Variants in IL13RA1 observed in about 807,000 individuals in gnomAD.
The protein encoded by IL13RA1 is interleukin-13 receptor subunit alpha-1.
Under a neutral mutation model 33.8 loss-of-function variants are expected in IL13RA1, and 14 were observed. The ratio of observed to expected loss-of-function variants is 0.41; its 90% CI spans 0.27 to 0.65. IL13RA1 has a LOEUF of 0.65. Ranked by LOEUF, IL13RA1 falls within the 30% of genes least tolerant of loss-of-function variation. The probability of loss-of-function intolerance (pLI) is 0.28; values close to 1 mark genes in which losing one functional copy is unlikely to be tolerated. For synonymous variants in IL13RA1, 116 were observed against 115.7 expected (o/e 1.00, Z -0.02); for missense variants, 313 against 327.0 (o/e 0.96, Z 0.33).
At chrX:118,780,866 A>G (rs2017835970) in intron 10 of IL13RA1, among the ~76,000 whole-genome samples, 1 of 112,125 alleles carries the variant, frequency 8.9e-6, no homozygotes, top group African/African-American at 3.2e-5. Flanking sequence ...ATATAGCCCA[A>G]AGTTACCAAC....
At chrX:118,729,914 A>G (rs1386393042) in intron 1 of IL13RA1, among the ~76,000 whole-genome samples, 3 of 112,222 alleles carry the variant, frequency 2.7e-5, no homozygotes, top group African/African-American at 9.7e-5. Flanking sequence ...CCCAGCAGAA[A>G]AGACGAGAGT....
intron 8 of IL13RA1, among the ~76,000 whole-genome samples, chrX:118,769,116 T>G (rs899651882): frequency 1.2e-4 from 14 of 112,121 alleles, no homozygotes; most frequent in Non-Finnish European, 2.6e-4. Flanking sequence ...GCTGTTCTGT[T>G]TTTTAGAAGT....
intron 1 of IL13RA1, among the ~76,000 whole-genome samples, chrX:118,739,182 C>T (rs1465946272): frequency 8.9e-6 from 1 of 112,088 alleles, no homozygotes; most frequent in Non-Finnish European, 1.9e-5. Context: ...TCCCTATTTT[C>T]CACAGCCTCA....
At chrX:118,755,483 G>T (rs1001284058) in intron 4 of IL13RA1, among the ~76,000 whole-genome samples, 1 of 110,803 alleles carries the variant, frequency 9.0e-6, no homozygotes, top group African/African-American at 3.3e-5. Flanking sequence ...CTCTGCAGAT[G>T]AATTCAGTAT....
intron 1 of IL13RA1, among the ~76,000 whole-genome samples, chrX:118,729,025 C>T (rs1922975928): frequency 9.0e-6 from 1 of 111,522 alleles, no homozygotes. Flanking sequence ...TGAGTCAGGC[C>T]CTCTAGGTTG....
At chrX:118,780,344 A>G in intron 10 of IL13RA1, among the ~76,000 whole-genome samples, 1 of 112,845 alleles carries the variant, frequency 8.9e-6, no homozygotes, top group Non-Finnish European at 1.9e-5. Flanking sequence ...TAAATGTTCA[A>G]AACTCGAGAT....
intron 2 of IL13RA1, among the ~76,000 whole-genome samples, chrX:118,742,163 A>T (rs1312461863): frequency 8.9e-6 from 1 of 112,111 alleles, no homozygotes; most frequent in Non-Finnish European, 1.9e-5. Flanking sequence ...GAAATTTGCT[A>T]ATCTGCCTTC....
chrX:118,765,310 T>G (rs528911755), intron 6 of IL13RA1, among the ~76,000 whole-genome samples: 2 of 108,879 alleles, frequency 1.8e-5, no homozygotes, highest in South Asian at 8.0e-4. Flanking sequence ...TTCGCCATGT[T>G]AGGCAGGCTC....
intron 5 of IL13RA1, among the ~76,000 whole-genome samples, chrX:118,759,120 T>C (rs920955777): frequency 8.9e-6 from 1 of 112,038 alleles, no homozygotes; most frequent in African/African-American, 3.2e-5. Flanking sequence ...TGGGCACTGA[T>C]CAGTTAGAAA....
At chrX:118,734,506 T>G (rs145113770) in intron 1 of IL13RA1, among the ~76,000 whole-genome samples, 2 of 112,291 alleles carry the variant, frequency 1.8e-5, no homozygotes, top group East Asian at 5.6e-4. Context: ...CACTCCTAGT[T>G]TGTTGAGTGT....
chrX:118,769,386 T>G (rs2017685553), intron 8 of IL13RA1, among the ~76,000 whole-genome samples: 1 of 112,698 alleles, frequency 8.9e-6, no homozygotes, highest in African/African-American at 3.2e-5. Context: ...ATGCCATTAT[T>G]TACTAAATCC....
chrX:118,801,815 T>A, the IL13RA1 span, among the ~76,000 whole-genome samples: 4 of 112,727 alleles, frequency 3.5e-5, no homozygotes, highest in Non-Finnish European at 7.5e-5. Flanking sequence ...TACTATAATA[T>A]TTGCCTTCAT....
At chrX:118,750,778 G>T (rs1199259126) in intron 4 of IL13RA1, among the ~76,000 whole-genome samples, 1 of 110,567 alleles carries the variant, frequency 9.0e-6, no homozygotes. Flanking sequence ...AAAGGAAAAT[G>T]ATATGTCCGG....
chrX:118,750,415 C>T (rs757768172), intron 4 of IL13RA1, among the ~76,000 whole-genome samples: 1 of 110,527 alleles, frequency 9.0e-6, no homozygotes, highest in East Asian at 2.8e-4. Context: ...AGCGTAATAC[C>T]CTGGAGATCT....
At chrX:118,756,844 C>A (rs1348371784) in intron 4 of IL13RA1, among the ~76,000 whole-genome samples, 1 of 111,498 alleles carries the variant, frequency 9.0e-6, no homozygotes, top group Non-Finnish European at 1.9e-5. Flanking sequence ...GGATTTGAGG[C>A]AATGGTAGAA....
chrX:118,803,909 CCTTCCTTCCTTCCTCT>C, the IL13RA1 span, among the ~76,000 whole-genome samples: 5 of 69,392 alleles, frequency 7.2e-5, no homozygotes, highest in Admixed American at 1.8e-4. Context: ...TTCCTTCCTT[CCTTCCTTCCTTCCTCT>C]CTCTCTTTTT....
At chrX:118,730,154 C>T (rs1030714615) in intron 1 of IL13RA1, among the ~76,000 whole-genome samples, 1 of 111,492 alleles carries the variant, frequency 9.0e-6, no homozygotes, top group South Asian at 3.8e-4. Context: ...AAAAATTAGC[C>T]GAGTGTGGGA....
At chrX:118,731,577 C>CAA (rs371387309) in intron 1 of IL13RA1, among the ~76,000 whole-genome samples, 56 of 53,648 alleles carry the variant, frequency 1.0e-3, no homozygotes, top group Middle Eastern at 9.6e-3. Context: ...ACTCCGTCTC[C>CAA]AAAAAAAAAA....
chrX:118,770,085 C>T, intron 8 of IL13RA1: 1 of 257,852 alleles, frequency 3.9e-6, no homozygotes, highest in South Asian at 3.7e-5. Context: ...TGGTACTTCT[C>T]ACTGCCTGAG....
Sources: allele counts gnomAD v4.1 joint callset (sites outside exome capture counted in the v4.1 genomes callset), GRCh38; gene constraint gnomAD v4.1.1; transcripts MANE v1.5; gene names NCBI Gene and HGNC (gene_info 2026-07-23, HGNC 2026-07-21).